The following RC3H1 variants were observed in gnomAD, a reference collection of about 807,000 sequenced individuals.
RC3H1 encodes the protein roquin-1.
Under a neutral mutation model 138.2 loss-of-function variants are expected in RC3H1, and 50 were observed. The observed-to-expected ratio is 0.36, with a 90% CI of 0.29 to 0.46. The LOEUF (loss-of-function observed/expected upper bound fraction) is 0.46. Ranked by LOEUF, RC3H1 falls within the 20% of genes least tolerant of loss-of-function variation. RC3H1 has a pLI of 1.00. For synonymous variants in RC3H1, 462 were observed against 489.1 expected (o/e 0.94, Z 0.73); for missense variants, 1,031 against 1,388.1 (o/e 0.74, Z 4.09).
At chr1:174,011,525 G>A (rs1365120988) in intron 1 of RC3H1, among the ~76,000 whole-genome samples, 1 of 151,506 alleles carries the variant, frequency 6.6e-6, no homozygotes, top group African/African-American at 2.4e-5. Flanking sequence ...ACTTGAATGT[G>A]GAAGACTACT....
rs1252276543 is a variant in RC3H1 at position 173,983,473 on chromosome 1, G to C, written c.537C>G (p.Leu179=). The C allele has an allele frequency of 6.2e-7, 1 of 1,614,186 alleles. No individual in the cohort carries two copies. Among genetic ancestry groups the C allele is most frequent in the Non-Finnish European group, 8.5e-7 (1 of 1,180,022 alleles). The change falls in exon 4 of 20, where the codon CTC becomes CTG. Residue 179 remains leucine, a synonymous_variant. Transcript: ENST00000367696. ...LILQHQNPQQ[L]SSNLWAAVRA... is the part of the protein sequence containing the mutation. Reference sequence around the variant, plus strand: ...TTACTGCTGCCCAAAGATTGGAAGAGAGTTGCTGAGGATTCTGGTGCTGGA... The same window carrying C: ...TTACTGCTGCCCAAAGATTGGAAGACAGTTGCTGAGGATTCTGGTGCTGGA...
rs1239213907 is a variant in RC3H1, at chr1:173,938,473, A to C, written c.*248T>G. The C allele has an allele frequency of 4.0e-5, 12 of 299,286 alleles. No individual in the cohort carries two copies. The highest frequency in any genetic ancestry group is 1.5e-4 in the South Asian group (1 of 6,594). 18.5% of individuals were successfully genotyped at this position (299,286 alleles called of 1,614,324 possible). A position where few individuals can be genotyped will look rare whatever the true frequency, so the allele number is the denominator to read the frequency against. On this transcript the variant is annotated 3_prime_UTR_variant, in exon 20 of 20. Coordinates refer to ENST00000367696, the MANE Select transcript of RC3H1 (RefSeq NM_172071.4). ...AATAAAGTTCATTCACAGAACAAAA[A>C]CAAATTTAATCTGAATTGCTTGCAG...
intron 13 of RC3H1, 194 bp downstream of exon 13, chr1:173,960,883 T>C (rs1295248941): frequency 2.0e-6 from 1 of 507,576 alleles, no homozygotes; most frequent in Non-Finnish European, 3.4e-6. Flanking sequence ...AAAAAAAAGA[T>C]CTTGACTCCT....
At chr1:174,020,454 T>C (rs568964855) in intron 1 of RC3H1, among the ~76,000 whole-genome samples, 73 of 152,306 alleles carry the variant, frequency 4.8e-4, no homozygotes, top group African/African-American at 1.7e-3. Context: ...AGAACAGACT[T>C]GGACCAATTC....
At chr1:173,961,700 T>C (rs199871745) in intron 12 of RC3H1, 25 bp downstream of exon 12, 22 of 1,587,032 alleles carry the variant, frequency 1.4e-5, no homozygotes, top group Middle Eastern at 4.6e-4. Flanking sequence ...ATTAAGTCTA[T>C]GTAATAAAAA....
chr1:173,961,184 G>C lies in RC3H1; in HGVS notation c.2263C>G (p.His755Asp). 1 of 1,614,144 alleles carries C rather than the reference G, an allele frequency of 6.2e-7. No individual in the cohort carries two copies. The highest frequency in any genetic ancestry group is 8.5e-7 in the Non-Finnish European group (1 of 1,179,974). Residue 755 changes from histidine (H) to aspartate (D), a missense_variant, in exon 13 of 20, where the codon CAT becomes GAT. Transcript: ENST00000367696. ...GCCATTATTTCCTTTCGTCGGCGATGTAGTTCATCTAGACTAGGATGAGGC... is the reference window on the plus strand; with the variant it reads ...GCCATTATTTCCTTTCGTCGGCGATCTAGTTCATCTAGACTAGGATGAGGC... ...PQPHPSLDEL[H>D]RRRKEIMAQL...
intron 9 of RC3H1, among the ~76,000 whole-genome samples, chr1:173,968,536 T>C (rs1053613302): frequency 1.3e-5 from 2 of 152,178 alleles, no homozygotes; most frequent in African/African-American, 4.8e-5. Flanking sequence ...GCAATTCATG[T>C]TTGTGATTTT....
At chr1:174,002,303 T>A (rs1661579590) in intron 1 of RC3H1, among the ~76,000 whole-genome samples, 1 of 152,190 alleles carries the variant, frequency 6.6e-6, no homozygotes, top group Non-Finnish European at 1.5e-5. Flanking sequence ...GACACACAAA[T>A]CTGACTGGCA....
At chr1:173,961,289 C>T in intron 12 of RC3H1, 45 bp from the exon 13 acceptor site, 2 of 1,521,110 alleles carry the variant, frequency 1.3e-6, no homozygotes, top group Non-Finnish European at 1.8e-6. Context: ...AATTTCAGGA[C>T]AGATTAATTC....
At position 173,933,129 on chromosome 1, in the gene RC3H1, T is replaced by C. The variant is rs1211191424; in HGVS notation, c.*5592A>G. On this transcript the variant is annotated 3_prime_UTR_variant, in exon 20 of 20. Coordinates refer to ENST00000367696, the MANE Select transcript of RC3H1 (RefSeq NM_172071.4). ...TCTAAATACACATTTTTGGACACGA[T>C]ATTATGTTGAGGTTTAAGTTCTTCC... 6.6e-6 allele frequency: 1 copy of C among 152,088 alleles called. No individual in the cohort carries two copies. Among genetic ancestry groups the C allele is most frequent in the African/African-American group, 2.4e-5 (1 of 41,438 alleles). The allele number at this position is 152,088 out of a possible 1,614,324, so 9.4% of individuals were successfully genotyped here.
intron 19 of RC3H1, among the ~76,000 whole-genome samples, chr1:173,940,783 C>A (rs930567300): frequency 6.6e-6 from 1 of 151,864 alleles, no homozygotes; most frequent in East Asian, 1.9e-4. Flanking sequence ...GATAATTCAA[C>A]CTTGGATCTA....
Position 173,936,560 on chromosome 1 carries a change from G to A in RC3H1, c.*2161C>T. The A allele has an allele frequency of 7.1e-6, 1 of 140,048 alleles. No individual in the cohort carries two copies. Among genetic ancestry groups the A allele is most frequent in the Non-Finnish European group, 1.5e-5 (1 of 65,270 alleles). 8.7% of individuals were successfully genotyped at this position (140,048 alleles called of 1,614,324 possible). A position where few individuals can be genotyped will look rare whatever the true frequency, so the allele number is the denominator to read the frequency against. On this transcript the variant is annotated 3_prime_UTR_variant, in exon 20 of 20. Transcript: ENST00000367696. ...AAAAAGAAGGTTGGAGGCCAATAATGTTGCCTTTTACTGTTATGCAGAGAA... is the reference window on the plus strand; with the variant it reads ...AAAAAGAAGGTTGGAGGCCAATAATATTGCCTTTTACTGTTATGCAGAGAA...
At chr1:173,992,054 A>C (rs1207272872) in intron 2 of RC3H1, among the ~76,000 whole-genome samples, 2 of 152,328 alleles carry the variant, frequency 1.3e-5, no homozygotes, top group African/African-American at 4.8e-5. Context: ...AAACTGCCTG[A>C]AGCAGCTGCA....
chr1:174,012,775 ACT>A (rs1002601925), intron 1 of RC3H1, among the ~76,000 whole-genome samples: 2 of 141,140 alleles, frequency 1.4e-5, no homozygotes, highest in African/African-American at 3.0e-5. Flanking sequence ...CAAGAGTGAG[ACT>A]CTGTCTCAAA....
intron 10 of RC3H1, 47 bp from the exon 11 acceptor site, chr1:173,964,234 T>A: frequency 7.1e-7 from 1 of 1,402,938 alleles, no homozygotes; most frequent in South Asian, 1.2e-5. Context: ...ACTTCTCATG[T>A]GCATAAATTG....
At chr1:173,979,889 C>T (rs373199463) in intron 6 of RC3H1, among the ~76,000 whole-genome samples, 15 of 152,032 alleles carry the variant, frequency 9.9e-5, no homozygotes, top group African/African-American at 3.1e-4. Context: ...AATTATGTAC[C>T]GCCTTTTTAT....
At chr1:174,012,401 A>C (rs1273938016) in intron 1 of RC3H1, among the ~76,000 whole-genome samples, 1 of 152,168 alleles carries the variant, frequency 6.6e-6, no homozygotes, top group East Asian at 1.9e-4. Flanking sequence ...TAACTTATAA[A>C]GATATTTTAA....
At chr1:173,967,425 T>C (rs972839981) in intron 9 of RC3H1, among the ~76,000 whole-genome samples, 12 of 152,268 alleles carry the variant, frequency 7.9e-5, no homozygotes, top group African/African-American at 2.9e-4. Flanking sequence ...TAGAAATTTT[T>C]ATGTCATACT....
chr1:173,994,527 G>T (rs1481694871), intron 1 of RC3H1, among the ~76,000 whole-genome samples: 1 of 152,122 alleles, frequency 6.6e-6, no homozygotes, highest in Non-Finnish European at 1.5e-5. Flanking sequence ...GGCTGGGTGT[G>T]ATGGCTCATG....
Sources: gnomAD v4.1 joint callset for allele counts (sites outside exome capture counted in the v4.1 genomes callset) on GRCh38, gnomAD v4.1.1 for gene constraint, MANE v1.5 for transcripts, NCBI Gene and HGNC (gene_info 2026-07-23, HGNC 2026-07-21) for gene names.